PKP2: variants seen among roughly 807,000 people sequenced by gnomAD.
PKP2 encodes the protein plakophilin 2.
In PKP2, 73 loss-of-function variants were observed where a neutral mutation model predicts 83.4. That is an observed-to-expected ratio of 0.88 (90% CI 0.72 to 1.06). The LOEUF (loss-of-function observed/expected upper bound fraction) is 1.06. Among genes scored for constraint, PKP2 ranks in the 50% least tolerant of loss-of-function variants. The pLI, the probability that PKP2 is intolerant of heterozygous loss-of-function variation, is 0.00. For synonymous variants in PKP2, 409 were observed against 430.4 expected, an observed-to-expected ratio of 0.95 and a Z score of 0.62; for missense variants, 966 against 1,065.4, an observed-to-expected ratio of 0.91 and a Z score of 1.30.
chr12:32,796,079 G>A, intron 11 of PKP2, 30 bp downstream of exon 11: 1 of 1,576,920 alleles, frequency 6.3e-7, no homozygotes. Flanking sequence ...GGAAAGGGAG[G>A]CAGCTGACGG....
chr12:32,819,298 C>A (rs537127684), intron 9 of PKP2, among the ~76,000 whole-genome samples: 7,500 of 25,742 alleles, frequency 0.29, 724 homozygotes, highest in African/African-American at 0.42. Context: ...CAATACAATA[C>A]AATACAATAC....
chr12:32,809,793 T>C (rs910219303), intron 9 of PKP2, among the ~76,000 whole-genome samples: 1 of 152,160 alleles, frequency 6.6e-6, no homozygotes, highest in African/African-American at 2.4e-5. Flanking sequence ...GCACAATCGG[T>C]CACCGCTTCC....
intron 4 of PKP2, among the ~76,000 whole-genome samples, chr12:32,862,046 C>T (rs1023879347): frequency 4.6e-5 from 7 of 151,934 alleles, no homozygotes; most frequent in South Asian, 2.1e-4. Flanking sequence ...TACAGGCACC[C>T]GCCACCACAC....
rs756749174 is a variant in PKP2, at chr12:32,792,671, G to A, written c.2418C>T (p.His806=). ...TCTTGTAGGCATGATGCAGTTCCGT[G>A]TGTGCCCACAGAGAATACAGAAGGA... The part of the protein sequence containing the change: ...ASVLLYSLWA[H]TELHHAYKKA... The change falls in exon 12 of 13, where the codon CAC becomes CAT. Residue 806 remains histidine (H), a synonymous_variant. Transcript: ENST00000340811. The A allele has an allele frequency of 2.5e-6, 4 of 1,614,038 alleles. No homozygotes were observed. The highest frequency in any genetic ancestry group is 3.4e-6 in the Non-Finnish European group (4 of 1,179,900).
chr12:32,884,162 TAC>T (rs1957009662), intron 1 of PKP2, among the ~76,000 whole-genome samples: 1 of 152,180 alleles, frequency 6.6e-6, no homozygotes, highest in Non-Finnish European at 1.5e-5. Context: ...TCTATAAAAA[TAC>T]AGTCTTCTGC....
chr12:32,887,286 C>T (rs955297519), intron 1 of PKP2, among the ~76,000 whole-genome samples: 4 of 152,118 alleles, frequency 2.6e-5, no homozygotes, highest in African/African-American at 9.7e-5. Flanking sequence ...ACTGACTAAT[C>T]CATTGCTGTT....
At chr12:32,845,775 A>C (rs1956638827) in intron 5 of PKP2, among the ~76,000 whole-genome samples, 1 of 152,154 alleles carries the variant, frequency 6.6e-6, no homozygotes, top group Non-Finnish European at 1.5e-5. Flanking sequence ...CGTGTTTTTC[A>C]AAGTGGTCAA....
At chr12:32,834,873 A>G (rs1956530426) in intron 6 of PKP2, among the ~76,000 whole-genome samples, 1 of 151,782 alleles carries the variant, frequency 6.6e-6, no homozygotes, top group Non-Finnish European at 1.5e-5. Context: ...GATGTAGAAA[A>G]CAGAGTTAAT....
At chr12:32,824,236 C>T (rs1228939639) in intron 6 of PKP2, 74 bp from the exon 7 acceptor site, 5 of 1,000,692 alleles carry the variant, frequency 5.0e-6, no homozygotes, top group Non-Finnish European at 7.9e-6. Flanking sequence ...TGAAGTTTTA[C>T]TTGATGCTTC....
At chr12:32,872,648 T>G (rs1956904385) in intron 3 of PKP2, among the ~76,000 whole-genome samples, 1 of 152,054 alleles carries the variant, frequency 6.6e-6, no homozygotes, top group Non-Finnish European at 1.5e-5. Context: ...CCCCTGATAT[T>G]AGAATATGGC....
chr12:32,797,295 C>G (rs1160181093), intron 10 of PKP2, among the ~76,000 whole-genome samples: 1 of 151,562 alleles, frequency 6.6e-6, no homozygotes, highest in African/African-American at 2.4e-5. Context: ...CAAAAATTAG[C>G]TGGGCGTAGT....
intron 1 of PKP2, among the ~76,000 whole-genome samples, chr12:32,879,568 C>T (rs1312218872): frequency 2.6e-5 from 4 of 151,838 alleles, no homozygotes; most frequent in Non-Finnish European, 5.9e-5. Flanking sequence ...GTGGCTTACA[C>T]CTGTAATCCC....
chr12:32,814,132 C>A (rs1022094602), intron 9 of PKP2, among the ~76,000 whole-genome samples: 1 of 152,106 alleles, frequency 6.6e-6, no homozygotes, highest in African/African-American at 2.4e-5. Context: ...TTCCGTTTTC[C>A]CTCAAATGCA....
intron 4 of PKP2, among the ~76,000 whole-genome samples, chr12:32,868,007 G>A (rs1956863884): frequency 6.6e-6 from 1 of 152,174 alleles, no homozygotes; most frequent in Non-Finnish European, 1.5e-5. Context: ...TTGAACAATT[G>A]TTACAAATGT....
chr12:32,857,090 AGAGG>A (rs536695436), intron 4 of PKP2, among the ~76,000 whole-genome samples: 282 of 152,300 alleles, frequency 1.9e-3, no homozygotes, highest in African/African-American at 6.6e-3. Flanking sequence ...CCAACAGGAC[AGAGG>A]GAGGGTTGGA....
intron 1 of PKP2, among the ~76,000 whole-genome samples, chr12:32,891,079 T>C (rs1003555231): frequency 9.2e-5 from 14 of 152,220 alleles, no homozygotes; most frequent in African/African-American, 2.9e-4. Flanking sequence ...CTCACTCTAA[T>C]AGAAAAATAA....
chr12:32,798,472 T>C (rs917436168), intron 10 of PKP2, among the ~76,000 whole-genome samples: 1 of 149,546 alleles, frequency 6.7e-6, no homozygotes, highest in Non-Finnish European at 1.5e-5. Flanking sequence ...AGTTTTGAGT[T>C]TGGCTTTTTT....
chr12:32,890,000 G>A (rs1036992535), intron 1 of PKP2, among the ~76,000 whole-genome samples: 4 of 145,704 alleles, frequency 2.7e-5, no homozygotes, highest in East Asian at 2.0e-4. Context: ...GCTTGAACCC[G>A]AGGAGACGGA....
rs1253811313 is a variant in PKP2 at position 32,868,977 on chromosome 12, C to T, written c.1120G>A (p.Ala374Thr). Residue 374 changes from alanine (A) to threonine (T), a missense_variant, in exon 4 of 13, where the codon GCT becomes ACT. By Grantham distance (58) the Ala-to-Thr change is moderately conservative. Coordinates refer to ENST00000340811, the MANE Select transcript of PKP2 (RefSeq NM_001005242.3). ...HMLPSRISAA[A>T]TFIQHECFQK... The stretch of plus-strand genomic sequence containing the variant: ...AAGCACTCGTGCTGTATGAAAGTAG[C>T]TGCAGCAGAAATCCTGGATGGCAGC... 6.2e-7 allele frequency: 1 copy of T among 1,613,952 alleles called. No individual in the cohort carries two copies. The highest frequency in any genetic ancestry group is 8.5e-7 in the Non-Finnish European group (1 of 1,179,978).
Sources: allele counts gnomAD v4.1 joint callset (sites outside exome capture counted in the v4.1 genomes callset), GRCh38; gene constraint gnomAD v4.1.1; transcripts MANE v1.5; gene names NCBI Gene and HGNC (gene_info 2026-07-23, HGNC 2026-07-21).